MIS18BP1: variants seen among roughly 807,000 people sequenced by gnomAD.
MIS18BP1 encodes MIS18 binding protein 1, also known as mis18-binding protein 1.
In MIS18BP1, 72 loss-of-function variants were observed where a neutral mutation model predicts 116.1. That is an observed-to-expected ratio of 0.62 (90% CI 0.51 to 0.75). The LOEUF is 0.75. MIS18BP1 is among the 30% of genes least tolerant of loss of function. The pLI, the probability that MIS18BP1 is intolerant of heterozygous loss-of-function variation, is 0.00. For synonymous variants in MIS18BP1, 386 were observed against 427.0 expected (o/e 0.90, Z 1.18); for missense variants, 1,363 against 1,303.2 (o/e 1.05, Z -0.71).
intron 4 of MIS18BP1, among the ~76,000 whole-genome samples, chr14:45,239,327 AAAAT>A (rs1050648658): frequency 3.3e-5 from 5 of 152,222 alleles, no homozygotes; most frequent in Admixed American, 3.3e-4. Context: ...ATTACTATGA[AAAAT>A]AAATAAAAGG....
At chr14:45,250,985 C>A (rs180736715) in intron 1 of MIS18BP1, among the ~76,000 whole-genome samples, 1 of 146,132 alleles carries the variant, frequency 6.8e-6, no homozygotes, top group Non-Finnish European at 1.5e-5. Flanking sequence ...TGCAGTGAGC[C>A]GACATCGCGC....
At position 45,230,378 on chromosome 14, in the gene MIS18BP1, G is replaced by C. The variant is rs189049017; in HGVS notation, c.1594+763C>G. Reference sequence around the variant, plus strand: ...AAAAAGAACAGTTCTGCAATCTGTCGTTACAGCAATGGTCATTCAAGAAAA... The same window carrying C: ...AAAAAGAACAGTTCTGCAATCTGTCCTTACAGCAATGGTCATTCAAGAAAA... On this transcript the variant is annotated intron_variant, in intron 8 of 16. Transcript: ENST00000310806. Among the ~76,000 whole-genome samples the C allele has an allele frequency of 6.2e-4, 95 of 152,198 alleles. 1 individual carries two copies. The East Asian group carries it at 0.017, about 27-fold the overall frequency.
Position 45,204,409 on chromosome 14 carries a change from T to C in MIS18BP1, c.3285A>G (p.Pro1095=), listed in dbSNP as rs376786932. ...CTGTAAGTGTATTACCTGTGTTAAA[T>C]GGGGTTTTCCTTCTTGGTGTTGGAG... The part of the protein sequence containing the change: ...FSTPTPRRKT[P]FNTDLGENSG... The change falls in exon 16 of 17, where the codon CCA becomes CCG. Residue 1095 remains proline, a synonymous_variant. Transcript: ENST00000310806. 112 of 1,607,108 alleles carry C rather than the reference T, an allele frequency of 7.0e-5. No homozygotes were observed. The highest frequency in any genetic ancestry group is 9.3e-5 in the Non-Finnish European group (110 of 1,177,600).
At chr14:45,237,108 A>G (rs2139221976) in intron 5 of MIS18BP1, among the ~76,000 whole-genome samples, 1 of 152,080 alleles carries the variant, frequency 6.6e-6, no homozygotes, top group Non-Finnish European at 1.5e-5. Flanking sequence ...AGCACTAAGA[A>G]ACTGGTCTTG....
chr14:45,204,008 T>C lies in MIS18BP1; in HGVS notation c.*101A>G. 6.8e-7 allele frequency: 1 copy of C among 1,466,018 alleles called. No individual in the cohort carries two copies. Among genetic ancestry groups the C allele is most frequent in the Non-Finnish European group, 9.0e-7 (1 of 1,106,608 alleles). The allele number at this position is 1,466,018 out of a possible 1,614,324, so 90.8% of individuals were successfully genotyped here. Reference sequence around the variant, plus strand: ...ACCTTCAAAAAAGTCCACATTTTCATAGGAAGCTACTTTACAAAGAAAATA... The same window carrying C: ...ACCTTCAAAAAAGTCCACATTTTCACAGGAAGCTACTTTACAAAGAAAATA... On this transcript the variant is annotated 3_prime_UTR_variant, in exon 17 of 17. Transcript: ENST00000310806.
At chr14:45,251,032 G>A (rs1891858613) in intron 1 of MIS18BP1, among the ~76,000 whole-genome samples, 1 of 116,424 alleles carries the variant, frequency 8.6e-6, no homozygotes, top group South Asian at 2.8e-4. Context: ...TCAAGACTCT[G>A]CCTCAAAAAA....
intron 13 of MIS18BP1, among the ~76,000 whole-genome samples, chr14:45,213,330 A>G (rs1890727000): frequency 1.3e-5 from 2 of 152,222 alleles, no homozygotes; most frequent in African/African-American, 4.8e-5. Context: ...CCCTGACAGA[A>G]GATAAACAAG....
In MIS18BP1 at chr14:45,211,224, G is replaced by C. The variant is rs1890665232; in HGVS notation, c.3004-696C>G. Among the ~76,000 whole-genome samples, 2 of 152,138 alleles carry C rather than the reference G, an allele frequency of 1.3e-5. 1 individual carries two copies. The highest frequency in any genetic ancestry group is 2.9e-5 in the Non-Finnish European group (2 of 67,998). Reference sequence around the variant, plus strand: ...AAGTGCACACCATGCTCATTTATCTGGTCATGTATTTCCTTAGAAGCTTCA... The same window carrying C: ...AAGTGCACACCATGCTCATTTATCTCGTCATGTATTTCCTTAGAAGCTTCA... On this transcript the variant is annotated intron_variant, in intron 13 of 16. Transcript: ENST00000310806.
chr14:45,210,464 G>C lies in MIS18BP1; in HGVS notation c.3068C>G (p.Thr1023Arg). Residue 1023 changes from threonine (T) to arginine (R), a missense_variant, in exon 14 of 17, where the codon ACA becomes AGA. By Grantham distance (71) the Thr-to-Arg change is moderately conservative. Coordinates refer to ENST00000310806, the MANE Select transcript of MIS18BP1 (RefSeq NM_018353.5). ...TGGAAAGATAACTGATGATGGAGTT[G>C]TTGGATTTTTGTCCATATTTGGCAG... ...DILPNMDKNP[T>R]TPSSVIFPLV... 1.2e-6 allele frequency: 2 copies of C among 1,613,992 alleles called. No homozygotes were observed. The highest frequency in any genetic ancestry group is 1.7e-6 in the Non-Finnish European group (2 of 1,179,936).
At position 45,239,062 on chromosome 14, in the gene MIS18BP1, G is replaced by A. The variant is rs532216766; in HGVS notation, c.1144-1341C>T. Among the ~76,000 whole-genome samples the A allele has an allele frequency of 2.6e-5, 4 of 152,150 alleles. No homozygotes were observed. The South Asian group carries it at 6.2e-4, about 24-fold the overall frequency. ...TTGGAACTACCTGAGATATATCAAC[G>A]CACCAGTCAGATGGAGATAATAATC... On this transcript the variant is annotated intron_variant, in intron 4 of 16. Coordinates refer to ENST00000310806, the MANE Select transcript of MIS18BP1 (RefSeq NM_018353.5).
intron 8 of MIS18BP1, among the ~76,000 whole-genome samples, chr14:45,230,625 A>G (rs567481475): frequency 6.6e-6 from 1 of 152,014 alleles, no homozygotes; most frequent in East Asian, 1.9e-4. Flanking sequence ...AATTATTATT[A>G]TTATTATTTT....
At position 45,241,802 on chromosome 14, in the gene MIS18BP1, A is replaced by G. The variant is rs553646162; in HGVS notation, c.1143+232T>C. On this transcript the variant is annotated intron_variant, in intron 4 of 16. Transcript: ENST00000310806. ...AAGACTACACAACTAGTAATAGAGC[A>G]AAATAAGACTTAACATGTGGGTCTT... 2.6e-4 allele frequency: 112 copies of G among 432,138 alleles called. 1 individual carries two copies. In the South Asian group the frequency reaches 3.4e-3, roughly 13 times the overall value. 26.8% of individuals were successfully genotyped at this position (432,138 alleles called of 1,614,324 possible). A position where few individuals can be genotyped will look rare whatever the true frequency, so the allele number is the denominator to read the frequency against.
Position 45,204,205 on chromosome 14 carries a change from T to C in MIS18BP1, c.3303A>G (p.Gly1101=). Residue 1101 remains glycine, a synonymous_variant, in exon 17 of 17, where the codon GGA becomes GGG. Coordinates refer to ENST00000310806, the MANE Select transcript of MIS18BP1 (RefSeq NM_018353.5). ...AAAGTTTTCCAATACCAGAGTTTTC[T>C]CCTAAGTCTGTAAAGAGAAGTTTAA... ...RRKTPFNTDL[G]ENSGIGKLFT... 6 of 1,605,012 alleles carry C rather than the reference T, an allele frequency of 3.7e-6. No homozygotes were observed. Among genetic ancestry groups the C allele is most frequent in the Non-Finnish European group, 5.1e-6 (6 of 1,177,396 alleles).
chr14:45,244,314 T>C (rs1891670088), intron 2 of MIS18BP1, among the ~76,000 whole-genome samples: 1 of 152,190 alleles, frequency 6.6e-6, no homozygotes, highest in South Asian at 2.1e-4. Context: ...TAAAATATCT[T>C]TCATTATCAG....
intron 10 of MIS18BP1, among the ~76,000 whole-genome samples, chr14:45,225,349 A>C (rs1012213576): frequency 6.6e-6 from 1 of 152,184 alleles, no homozygotes; most frequent in Non-Finnish European, 1.5e-5. Context: ...AGACTGGAAA[A>C]AATAATTAAT....
intron 4 of MIS18BP1, among the ~76,000 whole-genome samples, chr14:45,239,405 G>T (rs749208745): frequency 5.3e-5 from 8 of 152,180 alleles, no homozygotes; most frequent in Non-Finnish European, 1.2e-4. Flanking sequence ...AGAGAGAACT[G>T]AATAAAGTGA....
rs1368112100 is a variant in MIS18BP1 at position 45,203,937 on chromosome 14, AAGCTGCAGCAATG to A, written c.*159_*171del. 7.1e-6 allele frequency: 6 copies of A among 850,264 alleles called. No individual in the cohort carries two copies. Among genetic ancestry groups the A allele is most frequent in the Middle Eastern group, 3.9e-4 (1 of 2,566 alleles). The allele number at this position is 850,264 out of a possible 1,614,324, so 52.7% of individuals were successfully genotyped here. ...AAACAATTTTCTTTACATTTTTAGT[AAGCTGCAGCAATG>A]AGGATATTTTACTTTGAACACAAAC... On this transcript the variant is annotated 3_prime_UTR_variant, in exon 17 of 17. Coordinates refer to ENST00000310806, the MANE Select transcript of MIS18BP1 (RefSeq NM_018353.5).
rs3036381 is a variant in MIS18BP1 at position 45,248,055 on chromosome 14, G to GTTTTTTTTTTTT, written c.-91-690_-91-679dup. ...ACGTAGTTTTAGTCTTGTTTCTTTC[G>GTTTTTTTTTTTT]TTTTTTTTTTTTTTTTTTCTTTTTT... On this transcript the variant is annotated intron_variant, in intron 1 of 16. Transcript: ENST00000310806. Among the ~76,000 whole-genome samples, 57 of 109,212 alleles carry GTTTTTTTTTTTT rather than the reference G, an allele frequency of 5.2e-4. 1 individual carries two copies. The highest frequency in any genetic ancestry group is 1.4e-3 in the East Asian group (5 of 3,650). 71.6% of individuals were successfully genotyped at this position (109,212 alleles called of 152,430 possible).
chr14:45,251,938 C>T (rs1320110927), intron 1 of MIS18BP1, among the ~76,000 whole-genome samples: 3 of 152,090 alleles, frequency 2.0e-5, no homozygotes, highest in Admixed American at 6.6e-5. Flanking sequence ...GAAACATCTG[C>T]GTAAGAATGC....
Sources: gnomAD v4.1 joint callset for allele counts (sites outside exome capture counted in the v4.1 genomes callset) on GRCh38, gnomAD v4.1.1 for gene constraint, MANE v1.5 for transcripts, NCBI Gene and HGNC (gene_info 2026-07-23, HGNC 2026-07-21) for gene names.